The following TG variants were observed in gnomAD, a reference collection of about 807,000 sequenced individuals.
The protein encoded by TG is thyroid hormones.
TG carries 270 observed loss-of-function variants against 324.7 expected under a neutral mutation model. The ratio of observed to expected loss-of-function variants is 0.83; its 90% CI spans 0.75 to 0.92. The LOEUF (loss-of-function observed/expected upper bound fraction) is 0.92, where lower values mean the gene tolerates loss of function less well. Among genes scored for constraint, TG ranks in the 40% least tolerant of loss-of-function variants. TG has a pLI of 0.00. For synonymous variants in TG, 1,401 were observed against 1,327.0 expected (o/e 1.06, Z -1.21); for missense variants, 3,591 against 3,456.4 (o/e 1.04, Z -0.98).
Position 133,019,655 on chromosome 8 carries a change from A to G in TG, c.6836A>G (p.Glu2279Gly). ...ACATCCACGTCTCCTGGAGTCAGTG[A>G]AGATTGTTTGTATCTCAATGTGTTC... is the stretch of plus-strand genomic sequence containing the variant. ...TRTSTSPGVSEDCLYLNVFIP... is the reference protein window; with the variant it reads ...TRTSTSPGVSGDCLYLNVFIP... Residue 2279 changes from glutamate (E) to glycine (G), a missense_variant, in exon 39 of 48, where the codon GAA becomes GGA. Glu to Gly is a moderately conservative substitution (Grantham distance 98). Coordinates refer to ENST00000220616, the MANE Select transcript of TG (RefSeq NM_003235.5). 1 of 1,613,718 alleles carries G rather than the reference A, an allele frequency of 6.2e-7. No homozygotes were observed. Among genetic ancestry groups the G allele is most frequent in the Non-Finnish European group, 8.5e-7 (1 of 1,179,762 alleles).
intron 35 of TG, chr8:132,995,190 C>A: frequency 1.0e-6 from 1 of 952,794 alleles, no homozygotes; most frequent in Non-Finnish European, 1.2e-6. Context: ...CACTGCACTG[C>A]TCTAAGCCCC....
chr8:133,107,982 C>CTTT (rs377363035), intron 43 of TG, among the ~76,000 whole-genome samples: 12 of 134,108 alleles, frequency 8.9e-5, no homozygotes, highest in East Asian at 4.3e-4. Context: ...TTCTTTTCTT[C>CTTT]TTTTTTTTTT....
At chr8:132,887,649 A>C in intron 9 of TG, 101 bp downstream of exon 9, 1 of 1,509,786 alleles carries the variant, frequency 6.6e-7, no homozygotes, top group South Asian at 1.1e-5. Flanking sequence ...GCCAATGCTT[A>C]CACTTCAGTT....
chr8:132,957,444 G>A (rs1195681907), intron 27 of TG, among the ~76,000 whole-genome samples: 1 of 152,112 alleles, frequency 6.6e-6, no homozygotes, highest in East Asian at 1.9e-4. Context: ...GTCCCAAACT[G>A]ATGTGCACCT....
intron 11 of TG, among the ~76,000 whole-genome samples, chr8:132,895,291 C>T (rs376510892): frequency 6.6e-6 from 1 of 152,374 alleles, no homozygotes; most frequent in East Asian, 1.9e-4. Context: ...ACAACATCTG[C>T]TCCAAGTCAA....
chr8:133,038,486 T>C, intron 41 of TG: 1 of 1,480,478 alleles, frequency 6.8e-7, no homozygotes, highest in Non-Finnish European at 9.4e-7. Flanking sequence ...TTGGAACTTC[T>C]GTTCCTTTTG....
At chr8:132,914,565 C>T (rs1797162929) in intron 20 of TG, among the ~76,000 whole-genome samples, 1 of 152,216 alleles carries the variant, frequency 6.6e-6, no homozygotes. Context: ...TTAACTCTCA[C>T]AATAGCCCCT....
intron 41 of TG, chr8:133,038,547 A>G: frequency 1.2e-6 from 2 of 1,613,432 alleles, no homozygotes; most frequent in Non-Finnish European, 1.7e-6. Flanking sequence ...TAAGGTGGTG[A>G]TGAGAAGAAT....
intron 45 of TG, among the ~76,000 whole-genome samples, chr8:133,119,265 CT>C (rs1850950917): frequency 1.3e-5 from 2 of 152,178 alleles, no homozygotes. Context: ...CAAACAGACT[CT>C]TCTGTTTTTA....
Position 133,012,022 on chromosome 8 carries a change from C to T in TG, c.6384C>T (p.Asp2128=), listed in dbSNP as rs1448054809. ...CCAGCAATTTCTCTGCTGTCCGAGA[C>T]CTCTGTTTGTCGGGTAAGGGGAGTT... ...AATSNFSAVR[D]LCLSECSQHE... The change falls in exon 36 of 48, where the codon GAC becomes GAT. Residue 2128 remains aspartate, a synonymous_variant. Transcript: ENST00000220616. The T allele has an allele frequency of 6.2e-7, 1 of 1,614,082 alleles. No homozygotes were observed. Among genetic ancestry groups the T allele is most frequent in the African/African-American group, 1.3e-5 (1 of 74,924 alleles).
chr8:133,124,630 C>T (rs1223334383), intron 45 of TG, among the ~76,000 whole-genome samples: 1 of 152,206 alleles, frequency 6.6e-6, no homozygotes, highest in Non-Finnish European at 1.5e-5. Flanking sequence ...CATTAAACAT[C>T]TGGCTCATTG....
At chr8:133,037,472 C>A (rs1837301779) in intron 41 of TG, 1 of 152,178 alleles carries the variant, frequency 6.6e-6, no homozygotes, top group African/African-American at 2.4e-5. Context: ...ATCCAGCCAG[C>A]CCTTCCACTC....
intron 43 of TG, 87 bp downstream of exon 43, chr8:133,096,460 T>C (rs1031332278): frequency 6.6e-7 from 1 of 1,516,162 alleles, no homozygotes; most frequent in Non-Finnish European, 9.1e-7. Flanking sequence ...CAAGAGATAT[T>C]GACCAATTGC....
intron 22 of TG, among the ~76,000 whole-genome samples, chr8:132,926,858 C>G (rs746361297): frequency 5.9e-5 from 9 of 152,180 alleles, no homozygotes; most frequent in Non-Finnish European, 1.2e-4. Flanking sequence ...AGGGCTCACT[C>G]CTGAGTTGGT....
At chr8:132,900,583 C>A (rs903867357) in intron 15 of TG, among the ~76,000 whole-genome samples, 1 of 152,202 alleles carries the variant, frequency 6.6e-6, no homozygotes, top group Non-Finnish European at 1.5e-5. Context: ...CTGAGAAGTG[C>A]AAACCAGCAT....
chr8:132,994,157 C>T (rs1283398702), intron 35 of TG, among the ~76,000 whole-genome samples: 1 of 152,118 alleles, frequency 6.6e-6, no homozygotes, highest in African/African-American at 2.4e-5. Context: ...TTTCTCTTTC[C>T]TTCTCACCCC....
At chr8:132,958,913 C>G (rs1031737252) in intron 27 of TG, among the ~76,000 whole-genome samples, 3 of 152,052 alleles carry the variant, frequency 2.0e-5, no homozygotes. Flanking sequence ...GTGTGGAGGA[C>G]AAGGAGGACA....
intron 10 of TG, among the ~76,000 whole-genome samples, chr8:132,893,083 A>ATG (rs1360207756): frequency 8.4e-6 from 1 of 119,250 alleles, no homozygotes; most frequent in Non-Finnish European, 1.7e-5. Flanking sequence ...TGGGTGGTGT[A>ATG]TGTGTGTGGT....
chr8:132,953,997 GAA>G (rs35105936), intron 27 of TG, among the ~76,000 whole-genome samples: 223 of 144,792 alleles, frequency 1.5e-3, no homozygotes, highest in African/African-American at 4.8e-3. Flanking sequence ...AAATTTGATA[GAA>G]AAAAAAAAAA....
Sources: allele counts gnomAD v4.1 joint callset (sites outside exome capture counted in the v4.1 genomes callset), GRCh38; gene constraint gnomAD v4.1.1; transcripts MANE v1.5; gene names NCBI Gene and HGNC (gene_info 2026-07-23, HGNC 2026-07-21).